PRELID2: variants seen among roughly 807,000 people sequenced by gnomAD.
PRELID2 encodes the protein PRELI domain containing 2.
PRELID2 carries 25 observed loss-of-function variants against 28.4 expected under a neutral mutation model. That is an observed-to-expected ratio of 0.88 (90% confidence interval 0.64 to 1.23). The LOEUF is 1.23. Among genes scored for constraint, PRELID2 ranks in the 50% most tolerant of loss-of-function variants. The probability of loss-of-function intolerance (pLI) is 0.00; values close to 1 mark genes in which losing one functional copy is unlikely to be tolerated. For synonymous variants in PRELID2, 76 were observed against 71.6 expected, an observed-to-expected ratio of 1.06 and a Z score of -0.31; for missense variants, 201 against 214.4, an observed-to-expected ratio of 0.94 and a Z score of 0.39.
chr5:145,588,961 TAAATAAGA>T (rs1189846243), intron 1 of PRELID2, among the ~76,000 whole-genome samples: 2 of 152,188 alleles, frequency 1.3e-5, no homozygotes, highest in African/African-American at 4.8e-5. Context: ...CTAGAGAAGA[TAAATAAGA>T]AAATAAGTAT....
chr5:145,686,449 C>T (rs920875368), intron 1 of PRELID2, among the ~76,000 whole-genome samples: 1 of 152,012 alleles, frequency 6.6e-6, no homozygotes, highest in African/African-American at 2.4e-5. Flanking sequence ...CCCTTAGCAA[C>T]AAGATCTAAA....
intron 1 of PRELID2, among the ~76,000 whole-genome samples, chr5:145,546,745 G>C (rs530970866): frequency 9.7e-4 from 148 of 152,260 alleles, no homozygotes; most frequent in African/African-American, 3.4e-3. Context: ...TGTTCAGGAA[G>C]TGAATATCTT....
chr5:145,499,162 C>G lies in PRELID2; in HGVS notation n.71-25847G>C, dbSNP rs138702095. ...ACTTGGGAGGCTAAGGTGGAAGGAT[C>G]TCTTGAGCCCAGGAGGCTGAGGATG... On this transcript the variant is annotated intron_variant and non_coding_transcript_variant, in intron 1 of 2. Transcript: ENST00000510259. Among the ~76,000 whole-genome samples the G allele has an allele frequency of 7.6e-3, 1,162 of 152,178 alleles. 21 individuals carry two copies. Among genetic ancestry groups the G allele is most frequent in the African/African-American group, 0.026 (1,095 of 41,534 alleles).
chr5:145,828,441 G>T (rs1755348182), intron 1 of PRELID2, among the ~76,000 whole-genome samples: 1 of 152,112 alleles, frequency 6.6e-6, no homozygotes, highest in Non-Finnish European at 1.5e-5. Context: ...CTTACACAAT[G>T]ATTTTAAAAT....
the PRELID2 span, among the ~76,000 whole-genome samples, chr5:145,308,966 C>T: frequency 0.25 from 38,385 of 152,012 alleles, 5,352 homozygotes; most frequent in Non-Finnish European, 0.31. Flanking sequence ...GAAGATAGAG[C>T]AGAATTCAAG....
chr5:145,461,403 C>T, the PRELID2 span, among the ~76,000 whole-genome samples: 28 of 152,142 alleles, frequency 1.8e-4, no homozygotes, highest in African/African-American at 4.1e-4. Flanking sequence ...CCCGGGTTCA[C>T]GCCATTCTCC....
chr5:145,661,668 A>T (rs865835447), intron 1 of PRELID2, among the ~76,000 whole-genome samples: 9,465 of 119,776 alleles, frequency 0.079, 433 homozygotes, highest in Admixed American at 0.18. Context: ...CAAGCCATTA[A>T]AAAAAAAAAA....
At chr5:145,504,061 G>T (rs907247784) in intron 1 of PRELID2, among the ~76,000 whole-genome samples, 1 of 152,158 alleles carries the variant, frequency 6.6e-6, no homozygotes, top group African/African-American at 2.4e-5. Context: ...GCTGGAGTCA[G>T]AATTAAAATT....
At chr5:145,319,928 C>T in the PRELID2 span, among the ~76,000 whole-genome samples, 1 of 152,072 alleles carries the variant, frequency 6.6e-6, no homozygotes, top group Admixed American at 6.5e-5. Context: ...ATACCACTGC[C>T]TTTTGTCAAT....
At chr5:145,822,325 T>C (rs1468812644) in intron 2 of PRELID2, among the ~76,000 whole-genome samples, 1 of 152,156 alleles carries the variant, frequency 6.6e-6, no homozygotes, top group Non-Finnish European at 1.5e-5. Flanking sequence ...TCAGTAAACA[T>C]TTTCTGCAAA....
chr5:145,243,677 A>T, the PRELID2 span, among the ~76,000 whole-genome samples: 1 of 151,910 alleles, frequency 6.6e-6, no homozygotes. Context: ...TATAGTATAT[A>T]TAGCCTTTTA....
chr5:145,390,133 G>A, the PRELID2 span, among the ~76,000 whole-genome samples: 1 of 152,138 alleles, frequency 6.6e-6, no homozygotes, highest in African/African-American at 2.4e-5. Context: ...ACATAGGAAA[G>A]ACACCTAATC....
chr5:145,651,113 C>A (rs763432907), intron 1 of PRELID2, among the ~76,000 whole-genome samples: 6 of 152,160 alleles, frequency 3.9e-5, no homozygotes, highest in Non-Finnish European at 7.4e-5. Context: ...AGATGATATC[C>A]CACGCCTGGC....
intron 1 of PRELID2, among the ~76,000 whole-genome samples, chr5:145,571,977 GTC>G: frequency 7.1e-6 from 1 of 140,042 alleles, no homozygotes; most frequent in Admixed American, 7.3e-5. Flanking sequence ...GTGAGACTCC[GTC>G]TCAAAAAAAA....
the PRELID2 span, among the ~76,000 whole-genome samples, chr5:145,404,670 C>A: frequency 6.6e-6 from 1 of 152,116 alleles, no homozygotes; most frequent in South Asian, 2.1e-4. Flanking sequence ...ATAATGAACA[C>A]CTATTTCACA....
intron 4 of PRELID2, among the ~76,000 whole-genome samples, chr5:145,809,061 C>G (rs1223545043): frequency 1.8e-5 from 2 of 113,280 alleles, no homozygotes; most frequent in African/African-American, 6.9e-5. Context: ...TTTTTTGAGA[C>G]ATGGTCTCTG....
At chr5:145,740,838 A>G (rs868456115) in intron 1 of PRELID2, among the ~76,000 whole-genome samples, 4 of 111,988 alleles carry the variant, frequency 3.6e-5, no homozygotes, top group African/African-American at 6.9e-5. Flanking sequence ...ATATATATTT[A>G]TCGATAAATA....
At chr5:145,369,728 A>T in the PRELID2 span, among the ~76,000 whole-genome samples, 5 of 152,132 alleles carry the variant, frequency 3.3e-5, no homozygotes, top group Non-Finnish European at 7.4e-5. Context: ...ACTAATTTAC[A>T]TTCCCACCAA....
chr5:145,231,830 T>C, the PRELID2 span, among the ~76,000 whole-genome samples: 1 of 152,178 alleles, frequency 6.6e-6, no homozygotes, highest in Non-Finnish European at 1.5e-5. Flanking sequence ...TGAGTCAGGA[T>C]ATTTAAGTCA....
Sources: gnomAD v4.1 joint callset for allele counts (sites outside exome capture counted in the v4.1 genomes callset) on GRCh38, gnomAD v4.1.1 for gene constraint, MANE v1.5 for transcripts, NCBI Gene and HGNC (gene_info 2026-07-23, HGNC 2026-07-21) for gene names.